Variants in ARSB observed in about 807,000 individuals in gnomAD.
The protein encoded by ARSB is N-acetylgalactosamine-4-sulfatase.
A neutral mutation model predicts 50.9 loss-of-function variants in ARSB; 41 were observed. The ratio of observed to expected loss-of-function variants is 0.81; its 90% CI spans 0.63 to 1.04. The LOEUF is 1.04. ARSB is among the 50% of genes least tolerant of loss of function. The probability of loss-of-function intolerance (pLI) is 0.00; values close to 1 mark genes in which losing one functional copy is unlikely to be tolerated. For missense variants in ARSB, 672 were observed against 693.3 expected (o/e 0.97, Z 0.35); for synonymous variants, 269 against 284.8 (o/e 0.94, Z 0.56).
intron 5 of ARSB, among the ~76,000 whole-genome samples, chr5:78,844,265 C>T (rs1002308621): frequency 6.6e-6 from 1 of 152,052 alleles, no homozygotes; most frequent in Non-Finnish European, 1.5e-5. Context: ...TATCTCATTG[C>T]GATTTGATTT....
At chr5:78,853,613 T>A (rs1398582990) in intron 5 of ARSB, among the ~76,000 whole-genome samples, 1 of 152,206 alleles carries the variant, frequency 6.6e-6, no homozygotes, top group African/African-American at 2.4e-5. Context: ...TATTTAAGTC[T>A]GCAGATGTTA....
chr5:78,955,457 G>A lies in ARSB; in HGVS notation c.736C>T (p.Gln246Ter), dbSNP rs1156349844. 6.2e-7 allele frequency: 1 copy of A among 1,614,206 alleles called. No homozygotes were observed. Among genetic ancestry groups the A allele is most frequent in the East Asian group, 2.2e-5 (1 of 44,884 alleles). The change falls in exon 4 of 8, where the codon CAG (glutamine) becomes TAG (stop). Residue 246 changes from glutamine to a stop codon, truncating the protein, a stop_gained. Coordinates refer to ENST00000264914, the MANE Select transcript of ARSB (RefSeq NM_000046.5). LOFTEE classifies it high-confidence loss of function. ...GGCTTCAAGTATTCCTCAGGGACCT[G>A]AAGGGGCTCATGCACAGACTGGAGA... ...LALQSVHEPL[Q>*]VPEEYLKPYD...
chr5:78,817,582 G>C (rs1744047990), intron 6 of ARSB, among the ~76,000 whole-genome samples: 3 of 152,130 alleles, frequency 2.0e-5, no homozygotes, highest in Non-Finnish European at 4.4e-5. Context: ...GCCAAGAGGG[G>C]TGAATCACCT....
chr5:78,969,930 C>T (rs1467626208), intron 1 of ARSB, among the ~76,000 whole-genome samples: 1 of 152,132 alleles, frequency 6.6e-6, no homozygotes, highest in Non-Finnish European at 1.5e-5. Flanking sequence ...AGTTATTTAA[C>T]AGTATAATAA....
At chr5:78,851,370 T>C (rs188241619) in intron 5 of ARSB, among the ~76,000 whole-genome samples, 12 of 152,346 alleles carry the variant, frequency 7.9e-5, no homozygotes, top group African/African-American at 2.9e-4. Flanking sequence ...TTGAGCAGTT[T>C]TGAGTGAGTT....
At chr5:78,965,042 C>CA (rs1752148325) in intron 2 of ARSB, among the ~76,000 whole-genome samples, 1 of 152,180 alleles carries the variant, frequency 6.6e-6, no homozygotes, top group Non-Finnish European at 1.5e-5. Context: ...AGACTGGCTT[C>CA]AAGGTTATTT....
intron 4 of ARSB, among the ~76,000 whole-genome samples, chr5:78,941,174 G>A (rs1346650662): frequency 6.6e-6 from 1 of 151,352 alleles, no homozygotes; most frequent in African/African-American, 2.4e-5. Context: ...TCAGCTTAAG[G>A]AGATTTGGGG....
At chr5:78,831,577 G>C (rs1184070281) in intron 6 of ARSB, among the ~76,000 whole-genome samples, 1 of 152,182 alleles carries the variant, frequency 6.6e-6, no homozygotes, top group Admixed American at 6.5e-5. Context: ...CACAAGACAA[G>C]GGTAGGACAC....
In ARSB at chr5:78,839,350, A is replaced by G. The variant is rs1554074118; in HGVS notation, c.1213+6T>C. 1 of 1,612,542 alleles carries G rather than the reference A, an allele frequency of 6.2e-7. No homozygotes were observed. Among genetic ancestry groups the G allele is most frequent in the Non-Finnish European group, 8.5e-7 (1 of 1,178,690 alleles). On this transcript the variant is annotated splice_donor_region_variant and intron_variant, in intron 6 of 7. Transcript: ENST00000264914. ...TTTAATCTAGTAGCAATGCACTGGT[A>G]CTCACACGGTGAAGAGTCCACGAAG... is the stretch of plus-strand genomic sequence containing the variant.
intron 1 of ARSB, among the ~76,000 whole-genome samples, chr5:78,971,222 C>A (rs1385255648): frequency 2.0e-5 from 3 of 152,152 alleles, no homozygotes; most frequent in Admixed American, 6.5e-5. Flanking sequence ...ACAGGGTATC[C>A]CTCCTTGTCT....
intron 3 of ARSB, among the ~76,000 whole-genome samples, chr5:78,957,391 TAGACCCCCCAAA>T (rs1387220465): frequency 6.6e-6 from 1 of 152,170 alleles, no homozygotes; most frequent in African/African-American, 2.4e-5. Context: ...AGAGCTCAAA[TAGACCCCCCAAA>T]AGTTTATTTA....
At chr5:78,874,396 G>T (rs867693058) in intron 5 of ARSB, among the ~76,000 whole-genome samples, 4 of 152,148 alleles carry the variant, frequency 2.6e-5, no homozygotes, top group South Asian at 2.1e-4. Flanking sequence ...AACTGGAAGA[G>T]AATGAAAAGT....
intron 1 of ARSB, among the ~76,000 whole-genome samples, chr5:78,974,112 T>C (rs954930442): frequency 6.6e-6 from 1 of 152,216 alleles, no homozygotes; most frequent in Non-Finnish European, 1.5e-5. Context: ...TTAGGGTTTA[T>C]TCCTGGAGAT....
chr5:78,906,585 T>C (rs541482082), intron 4 of ARSB, among the ~76,000 whole-genome samples: 1 of 152,162 alleles, frequency 6.6e-6, no homozygotes, highest in African/African-American at 2.4e-5. Flanking sequence ...CCATTCTCCA[T>C]TCACCTGATT....
At chr5:78,969,545 A>G (rs1442152177) in intron 1 of ARSB, among the ~76,000 whole-genome samples, 1 of 152,248 alleles carries the variant, frequency 6.6e-6, no homozygotes, top group Non-Finnish European at 1.5e-5. Context: ...TGGGCACACA[A>G]GAAGTTGGTG....
intron 6 of ARSB, chr5:78,816,149 TA>T (rs2112665545): frequency 6.2e-7 from 1 of 1,614,116 alleles, no homozygotes; most frequent in East Asian, 2.2e-5. Context: ...CCTGAAGATA[TA>T]CAGATTTCTC....
intron 6 of ARSB, chr5:78,816,172 G>C (rs559879877): frequency 1.2e-6 from 2 of 1,613,738 alleles, no homozygotes; most frequent in Non-Finnish European, 8.5e-7. Flanking sequence ...GGGTACGGTT[G>C]TATCAGGACT....
intron 6 of ARSB, chr5:78,817,144 T>G: frequency 2.0e-6 from 2 of 983,992 alleles, no homozygotes; most frequent in Non-Finnish European, 2.4e-6. Flanking sequence ...CTGGGAGAGA[T>G]AAAGAATGAT....
intron 4 of ARSB, among the ~76,000 whole-genome samples, chr5:78,945,244 G>A (rs948639926): frequency 2.2e-4 from 34 of 152,126 alleles, no homozygotes; most frequent in Admixed American, 6.5e-4. Context: ...GCGATGCCTC[G>A]CCCTGCTTTG....
Sources: allele counts gnomAD v4.1 joint callset (sites outside exome capture counted in the v4.1 genomes callset), GRCh38; gene constraint gnomAD v4.1.1; transcripts MANE v1.5; gene names NCBI Gene and HGNC (gene_info 2026-07-23, HGNC 2026-07-21).